Variants in KRAS observed in about 807,000 individuals in gnomAD.
KRAS encodes GTPase KRas.
A neutral mutation model predicts 21.0 loss-of-function variants in KRAS; 1 was observed. The observed-to-expected ratio is 0.05, with a 90% CI of 0.02 to 0.23. The LOEUF (loss-of-function observed/expected upper bound fraction) is 0.23. Among genes scored for constraint, KRAS ranks in the 10% least tolerant of loss-of-function variants. The pLI, the probability that KRAS is intolerant of heterozygous loss-of-function variation, is 1.00. For synonymous variants in KRAS, 67 were observed against 72.5 expected, an observed-to-expected ratio of 0.92 and a Z score of 0.39; for missense variants, 107 against 221.8, an observed-to-expected ratio of 0.48 and a Z score of 3.29.
At chr12:25,222,093 G>A (rs1386429574) in intron 4 of KRAS, among the ~76,000 whole-genome samples, 2 of 150,200 alleles carry the variant, frequency 1.3e-5, no homozygotes, top group Admixed American at 6.6e-5. Context: ...AGCCTGCAGT[G>A]AGCCAAGATC....
intron 3 of KRAS, among the ~76,000 whole-genome samples, chr12:25,226,222 A>C (rs1428768177): frequency 6.6e-6 from 1 of 152,172 alleles, no homozygotes; most frequent in East Asian, 1.9e-4. Flanking sequence ...AAAGATTTTG[A>C]TTTCTAGGTA....
At chr12:25,242,405 C>G (rs960205320) in intron 2 of KRAS, among the ~76,000 whole-genome samples, 2 of 152,008 alleles carry the variant, frequency 1.3e-5, no homozygotes, top group Non-Finnish European at 2.9e-5. Flanking sequence ...AAAAAAACTT[C>G]AGGGTTTTGA....
intron 4 of KRAS, among the ~76,000 whole-genome samples, chr12:25,216,919 C>T (rs895096884): frequency 6.6e-6 from 1 of 152,116 alleles, no homozygotes; most frequent in Admixed American, 6.6e-5. Flanking sequence ...ATTCTTCTAA[C>T]AGAAAGGTGA....
chr12:25,246,396 A>G (rs1951681414), intron 1 of KRAS, among the ~76,000 whole-genome samples: 1 of 152,068 alleles, frequency 6.6e-6, no homozygotes, highest in Non-Finnish European at 1.5e-5. Context: ...TCTCTCTACT[A>G]AAAATACAAA....
rs1386013891 is a variant in KRAS at position 25,207,783 on chromosome 12, GATTA to G, written c.*2008_*2011del. Reference sequence around the variant, plus strand: ...CATCAGCCACCACCTGAAAATTAGTGATTAGGTCAAATCCCTTTATGGTATCTGT... The same window carrying G: ...CATCAGCCACCACCTGAAAATTAGTGGGTCAAATCCCTTTATGGTATCTGT... On this transcript the variant is annotated 3_prime_UTR_variant, in exon 5 of 5. Transcript: ENST00000311936. 1 of 232,852 alleles carries G rather than the reference GATTA, an allele frequency of 4.3e-6. No homozygotes were observed. Among genetic ancestry groups the G allele is most frequent in the African/African-American group, 2.2e-5 (1 of 45,308 alleles). 14.4% of individuals were successfully genotyped at this position (232,852 alleles called of 1,614,324 possible).
intron 4 of KRAS, chr12:25,210,894 T>C (rs1387691012): frequency 7.1e-6 from 1 of 140,108 alleles, no homozygotes; most frequent in African/African-American, 2.5e-5. Flanking sequence ...TAGTAGATTT[T>C]AAACCTGCAG....
chr12:25,237,329 T>G (rs1345521342), intron 2 of KRAS, among the ~76,000 whole-genome samples: 1 of 152,198 alleles, frequency 6.6e-6, no homozygotes, highest in East Asian at 1.9e-4. Context: ...GCACAACCCT[T>G]GTGAATATAC....
intron 2 of KRAS, among the ~76,000 whole-genome samples, chr12:25,240,068 C>T (rs1951592063): frequency 6.6e-6 from 1 of 152,062 alleles, no homozygotes; most frequent in Admixed American, 6.6e-5. Flanking sequence ...AAATTTCAAA[C>T]CTATAGAAAA....
intron 2 of KRAS, among the ~76,000 whole-genome samples, chr12:25,232,536 A>C (rs569637431): frequency 1.3e-5 from 2 of 152,316 alleles, no homozygotes; most frequent in East Asian, 3.9e-4. Flanking sequence ...GAAACTAGTT[A>C]ATAATGGAGC....
chr12:25,247,553 G>A (rs557064438), intron 1 of KRAS, among the ~76,000 whole-genome samples: 3 of 152,258 alleles, frequency 2.0e-5, no homozygotes, highest in Admixed American at 1.3e-4. Context: ...ACACTAAAAT[G>A]TATCTTCTAG....
At chr12:25,240,098 C>T (rs1951592409) in intron 2 of KRAS, among the ~76,000 whole-genome samples, 1 of 151,928 alleles carries the variant, frequency 6.6e-6, no homozygotes, top group Non-Finnish European at 1.5e-5. Context: ...AATAGTACAG[C>T]GAATAGCCTC....
chr12:25,232,385 A>G (rs997418239), intron 2 of KRAS, among the ~76,000 whole-genome samples: 1 of 152,206 alleles, frequency 6.6e-6, no homozygotes, highest in Non-Finnish European at 1.5e-5. Flanking sequence ...CTCCTGCTGT[A>G]AGTTAATAAC....
rs1426697141 is a variant in KRAS, at chr12:25,242,234, G to A, written c.111+3040C>T. ...GCTGATGTCAAACAATTAGAGCCTG[G>A]GAAAAAATACTTCCTGCTATATTTA... On this transcript the variant is annotated intron_variant, in intron 2 of 4. Transcript: ENST00000311936. Among the ~76,000 whole-genome samples, 5 of 151,764 alleles carry A rather than the reference G, an allele frequency of 3.3e-5. No individual in the cohort carries two copies. The East Asian group carries it at 5.8e-4, about 18-fold the overall frequency.
intron 4 of KRAS, chr12:25,215,374 A>T: frequency 7.5e-6 from 12 of 1,606,928 alleles, no homozygotes; most frequent in Non-Finnish European, 1.0e-5. Flanking sequence ...AGTGGTTGCC[A>T]CCTTGTTACC....
At chr12:25,241,919 A>G (rs1211769517) in intron 2 of KRAS, among the ~76,000 whole-genome samples, 1 of 152,226 alleles carries the variant, frequency 6.6e-6, no homozygotes, top group African/African-American at 2.4e-5. Flanking sequence ...AAATTACATA[A>G]GGCTTTTCTT....
chr12:25,232,897 A>G (rs1951492542), intron 2 of KRAS, among the ~76,000 whole-genome samples: 5 of 152,222 alleles, frequency 3.3e-5, no homozygotes, highest in Admixed American at 2.6e-4. Context: ...GTATTTATCT[A>G]AAGTCATTCA....
At chr12:25,244,781 A>C (rs61759637) in intron 2 of KRAS, among the ~76,000 whole-genome samples, 2,960 of 152,306 alleles carry the variant, frequency 0.019, 38 homozygotes, top group Non-Finnish European at 0.032. Flanking sequence ...CACCTTAGGC[A>C]AATAATTCAT....
intron 2 of KRAS, among the ~76,000 whole-genome samples, chr12:25,238,307 T>A (rs1019400644): frequency 6.6e-6 from 1 of 152,234 alleles, no homozygotes; most frequent in Non-Finnish European, 1.5e-5. Flanking sequence ...TCAAGTCAGA[T>A]GGCATTTGCC....
chr12:25,229,863 G>A (rs1736449809), intron 2 of KRAS, among the ~76,000 whole-genome samples: 1 of 151,834 alleles, frequency 6.6e-6, no homozygotes, highest in Non-Finnish European at 1.5e-5. Flanking sequence ...CTGCCTCCTG[G>A]GCTCGAGTGA....
Sources: gnomAD v4.1 joint callset for allele counts (sites outside exome capture counted in the v4.1 genomes callset) on GRCh38, gnomAD v4.1.1 for gene constraint, MANE v1.5 for transcripts, NCBI Gene and HGNC (gene_info 2026-07-23, HGNC 2026-07-21) for gene names.